The following PROK2 variants were observed in gnomAD, a reference collection of about 807,000 sequenced individuals.
PROK2 encodes prokineticin 2.
In PROK2, 8 loss-of-function variants were observed where a neutral mutation model predicts 14.2. That is an observed-to-expected ratio of 0.56 (90% CI 0.33 to 1.02). The LOEUF (loss-of-function observed/expected upper bound fraction) is 1.02. Ranked by LOEUF, PROK2 falls within the 50% of genes least tolerant of loss-of-function variation. The probability of loss-of-function intolerance (pLI) is 0.03; values close to 1 mark genes in which losing one functional copy is unlikely to be tolerated. For synonymous variants in PROK2, 59 were observed against 60.7 expected (o/e 0.97, Z 0.13); for missense variants, 154 against 160.4 (o/e 0.96, Z 0.22).
intron 1 of PROK2, 70 bp downstream of exon 1, chr3:71,784,887 C>G: frequency 1.7e-6 from 2 of 1,182,994 alleles, no homozygotes; most frequent in Non-Finnish European, 2.1e-6. Flanking sequence ...CTTCAGGGTC[C>G]CCGTCCCAAG....
chr3:71,782,847 T>A (rs928343250), intron 1 of PROK2, among the ~76,000 whole-genome samples: 6 of 152,228 alleles, frequency 3.9e-5, no homozygotes, highest in Admixed American at 3.9e-4. Flanking sequence ...AATTTATTTC[T>A]CAGTCTATTT....
At chr3:71,776,364 A>ATTTTTTTTTTTTTTTTTTTTT (rs58407323) in intron 2 of PROK2, among the ~76,000 whole-genome samples, 2 of 75,436 alleles carry the variant, frequency 2.7e-5, no homozygotes, top group African/African-American at 1.0e-4. Context: ...TTCGCTTTTC[A>ATTTTTTTTTTTTTTTTTTTTT]TTTTTTTTTT....
At chr3:71,775,643 G>A (rs1476682218) in intron 2 of PROK2, among the ~76,000 whole-genome samples, 16 of 152,160 alleles carry the variant, frequency 1.1e-4, no homozygotes, top group Non-Finnish European at 5.9e-5. Context: ...GCTTCCTTTT[G>A]AGGTGAAGCA....
In PROK2 at chr3:71,785,099, GGCCCGGGTGCGCTGGGTGGAGCGCGGA is replaced by G; in HGVS notation, c.-74_-48del. 8.5e-7 allele frequency: 1 copy of G among 1,170,550 alleles called. No individual in the cohort carries two copies. Among genetic ancestry groups the G allele is most frequent in the Non-Finnish European group, 1.1e-6 (1 of 932,296 alleles). 72.5% of individuals were successfully genotyped at this position (1,170,550 alleles called of 1,614,324 possible). ...CCGCCGGAGGCAGTTGGGGGCGCGGGGCCCGGGTGCGCTGGGTGGAGCGCGGAGCGGCGGGCGGACGGGCGCGGCGGC... is the reference window on the plus strand; with the variant it reads ...CCGCCGGAGGCAGTTGGGGGCGCGGGGCGGCGGGCGGACGGGCGCGGCGGC... On this transcript the variant is annotated 5_prime_UTR_variant, in exon 1 of 4. Transcript: ENST00000295619.
At position 71,772,804 on chromosome 3, in the gene PROK2, G is replaced by A. The variant is rs150486223; in HGVS notation, c.310C>T (p.His104Tyr). 1.1e-5 allele frequency: 18 copies of A among 1,614,022 alleles called. No homozygotes were observed. The African/African-American group carries it at 1.5e-4, about 13-fold the overall frequency. ...KEVPFFGRRM[H>Y]HTCPCLPGLA... Reference sequence around the variant, plus strand: ...CCTGGCAGACATGGGCAAGTGTGATGCATCCTCCGCCCAAAAAATGGAACC... The same window carrying A: ...CCTGGCAGACATGGGCAAGTGTGATACATCCTCCGCCCAAAAAATGGAACC... Residue 104 changes from histidine (H) to tyrosine (Y), a missense_variant, in exon 4 of 4, where the codon CAT becomes TAT. His to Tyr is a moderately conservative substitution (Grantham distance 83). Coordinates refer to ENST00000295619, the MANE Select transcript of PROK2 (RefSeq NM_001126128.2).
chr3:71,783,014 G>C (rs921750299), intron 1 of PROK2, among the ~76,000 whole-genome samples: 1 of 152,140 alleles, frequency 6.6e-6, no homozygotes, highest in Admixed American at 6.5e-5. Context: ...TCTAGTCAAT[G>C]ATCTTTTACA....
chr3:71,772,476 C>A lies in PROK2; in HGVS notation c.*248G>T. The stretch of plus-strand genomic sequence containing the variant: ...ATTTAAGAAAAAAGCCAAATCAAAC[C>A]AAAACACAAACAGGGAAATAAGAAC... On this transcript the variant is annotated 3_prime_UTR_variant, in exon 4 of 4. Transcript: ENST00000295619. The A allele has an allele frequency of 9.4e-6, 4 of 425,656 alleles. No homozygotes were observed. Among genetic ancestry groups the A allele is most frequent in the Non-Finnish European group, 1.2e-5 (3 of 240,184 alleles). 26.4% of individuals were successfully genotyped at this position (425,656 alleles called of 1,614,324 possible).
At position 71,781,450 on chromosome 3, in the gene PROK2, A is replaced by AAT. The variant is rs768227133; in HGVS notation, c.222+15_222+16dup. The AAT allele has an allele frequency of 3.7e-6, 6 of 1,613,396 alleles. No homozygotes were observed. The highest frequency in any genetic ancestry group is 3.3e-5 in the South Asian group (3 of 91,062). Reference sequence around the variant, plus strand: ...CCACAGTAGAACCACCATGAATACAAATATATATATACTAACTTTACGAGT... The same window carrying AAT: ...CCACAGTAGAACCACCATGAATACAAATATATATATATACTAACTTTACGAGT... On this transcript the variant is annotated intron_variant, in intron 2 of 3. Transcript: ENST00000295619.
chr3:71,778,606 T>C (rs1372491232), intron 2 of PROK2, among the ~76,000 whole-genome samples: 1 of 152,198 alleles, frequency 6.6e-6, no homozygotes, highest in Non-Finnish European at 1.5e-5. Context: ...GGGTCTACAT[T>C]TTTACTATCT....
At chr3:71,781,676 C>A in intron 1 of PROK2, 84 bp from the exon 2 acceptor site, 1 of 1,397,140 alleles carries the variant, frequency 7.2e-7, no homozygotes, top group Non-Finnish European at 1.0e-6. Context: ...GTGAAATGCC[C>A]TTTAAATATC....
chr3:71,779,718 C>A (rs972310922), intron 2 of PROK2, among the ~76,000 whole-genome samples: 1 of 152,294 alleles, frequency 6.6e-6, no homozygotes, highest in African/African-American at 2.4e-5. Flanking sequence ...TCCCCTCCCC[C>A]ACCTCAGCCT....
In PROK2 at chr3:71,776,350, T is replaced by A. The variant is rs542841133; in HGVS notation, c.223-1843A>T. ...TCTTTTCTCTCTTCTTTTCTTTTTT[T>A]CTTTTCGCTTTTCATTTTTTTTTTT... On this transcript the variant is annotated intron_variant, in intron 2 of 3. Transcript: ENST00000295619. 6.0e-5 allele frequency among the ~76,000 whole-genome samples: 9 copies of A among 149,598 alleles called. No individual in the cohort carries two copies. In the South Asian group the frequency reaches 1.9e-3, roughly 31 times the overall value.
At chr3:71,778,854 TA>T (rs2050140395) in intron 2 of PROK2, among the ~76,000 whole-genome samples, 1 of 152,112 alleles carries the variant, frequency 6.6e-6, no homozygotes, top group African/African-American at 2.4e-5. Flanking sequence ...TATTTGAAGA[TA>T]AAAAAGCAAC....
At chr3:71,775,907 G>A (rs889533840) in intron 2 of PROK2, among the ~76,000 whole-genome samples, 3 of 152,062 alleles carry the variant, frequency 2.0e-5, no homozygotes, top group Non-Finnish European at 2.9e-5. Context: ...GGAACTCCCC[G>A]AAGGGCAGAA....
At chr3:71,781,203 T>C (rs1382088694) in intron 2 of PROK2, among the ~76,000 whole-genome samples, 3 of 152,216 alleles carry the variant, frequency 2.0e-5, no homozygotes, top group South Asian at 2.1e-4. Flanking sequence ...AGCAAATTCA[T>C]GTGTTGCAAA....
At chr3:71,773,700 A>G (rs1262072820) in intron 3 of PROK2, among the ~76,000 whole-genome samples, 1 of 152,196 alleles carries the variant, frequency 6.6e-6, no homozygotes, top group Non-Finnish European at 1.5e-5. Context: ...GGAAAATCAG[A>G]GAAGAAGGCA....
intron 2 of PROK2, among the ~76,000 whole-genome samples, chr3:71,775,794 A>G (rs770356255): frequency 1.3e-5 from 2 of 152,188 alleles, no homozygotes; most frequent in Non-Finnish European, 2.9e-5. Context: ...GACCATATCC[A>G]TTTTACTCAT....
chr3:71,781,851 T>C (rs1327028954), intron 1 of PROK2, among the ~76,000 whole-genome samples: 1 of 152,226 alleles, frequency 6.6e-6, no homozygotes, highest in East Asian at 1.9e-4. Context: ...ACATAAGATT[T>C]TTTTTTAAAT....
At chr3:71,775,998 C>G (rs2050114667) in intron 2 of PROK2, among the ~76,000 whole-genome samples, 1 of 152,196 alleles carries the variant, frequency 6.6e-6, no homozygotes, top group Non-Finnish European at 1.5e-5. Flanking sequence ...CACCACCAAA[C>G]TCAGAGATGG....
Sources: allele counts gnomAD v4.1 joint callset (sites outside exome capture counted in the v4.1 genomes callset), GRCh38; gene constraint gnomAD v4.1.1; transcripts MANE v1.5; gene names NCBI Gene and HGNC (gene_info 2026-07-23, HGNC 2026-07-21).